Variants in SLC24A2 observed in about 807,000 individuals in gnomAD.
The protein encoded by SLC24A2 is sodium/potassium/calcium exchanger 2.
SLC24A2 carries 36 observed loss-of-function variants against 62.0 expected under a neutral mutation model. The ratio of observed to expected loss-of-function variants is 0.58; its 90% CI spans 0.44 to 0.77. The LOEUF is 0.77. SLC24A2 is among the 30% of genes least tolerant of loss of function. The pLI, the probability that SLC24A2 is intolerant of heterozygous loss-of-function variation, is 0.00. For synonymous variants in SLC24A2, 358 were observed against 294.0 expected (o/e 1.22, Z -2.23); for missense variants, 846 against 817.9 (o/e 1.03, Z -0.42).
chr9:20,115,673 C>A, the SLC24A2 span, among the ~76,000 whole-genome samples: 1 of 152,118 alleles, frequency 6.6e-6, no homozygotes, highest in Non-Finnish European at 1.5e-5. Flanking sequence ...ACAAAAGGAT[C>A]TGCCGGTGAA....
At chr9:19,951,497 T>C in the SLC24A2 span, among the ~76,000 whole-genome samples, 1 of 152,292 alleles carries the variant, frequency 6.6e-6, no homozygotes, top group East Asian at 1.9e-4. Context: ...TTAGTTCTTA[T>C]ATTTAGGTCT....
At chr9:19,687,973 C>T (rs1564038749) in intron 2 of SLC24A2, among the ~76,000 whole-genome samples, 2 of 151,932 alleles carry the variant, frequency 1.3e-5, no homozygotes, top group Non-Finnish European at 2.9e-5. Flanking sequence ...CTGTACTTTC[C>T]AGTAATTTAT....
In SLC24A2 at chr9:19,672,628, C is replaced by T. The variant is rs1443560032; in HGVS notation, c.931-50329G>A. Among the ~76,000 whole-genome samples, 3 of 146,282 alleles carry T rather than the reference C, an allele frequency of 2.1e-5. 1 individual carries two copies. The highest frequency in any genetic ancestry group is 8.1e-5 in the African/African-American group (3 of 37,076). On this transcript the variant is annotated intron_variant, in intron 2 of 10. Coordinates refer to ENST00000341998, the MANE Select transcript of SLC24A2 (RefSeq NM_020344.4). The stretch of plus-strand genomic sequence containing the variant: ...TCTAGTTCCTTTAGGTGTGAACTTA[C>T]ATTGTCTATTTGTGCTTTCAGACTT...
chr9:19,644,473 A>G (rs1177174666), intron 2 of SLC24A2, among the ~76,000 whole-genome samples: 1 of 152,224 alleles, frequency 6.6e-6, no homozygotes, highest in Non-Finnish European at 1.5e-5. Flanking sequence ...CAGATGGGAA[A>G]AATGAGGGAA....
the SLC24A2 span, among the ~76,000 whole-genome samples, chr9:19,843,554 C>T: frequency 5.3e-5 from 8 of 152,052 alleles, no homozygotes; most frequent in Admixed American, 3.3e-4. Context: ...TTCAGGGGGT[C>T]CATGTGCATA....
chr9:20,025,475 G>A, the SLC24A2 span, among the ~76,000 whole-genome samples: 1 of 152,150 alleles, frequency 6.6e-6, no homozygotes, highest in Admixed American at 6.6e-5. Context: ...TCACCCTTCA[G>A]GTGGTGGTTT....
chr9:19,956,353 G>T, the SLC24A2 span, among the ~76,000 whole-genome samples: 168 of 152,280 alleles, frequency 1.1e-3, no homozygotes, highest in African/African-American at 2.2e-3. Context: ...TTACACATTT[G>T]TTATAGCAAA....
chr9:19,541,472 G>T (rs940207096), intron 8 of SLC24A2, among the ~76,000 whole-genome samples: 1 of 151,346 alleles, frequency 6.6e-6, no homozygotes, highest in Non-Finnish European at 1.5e-5. Context: ...GCAGTGTGAG[G>T]TGTCAGTGTG....
the SLC24A2 span, chr9:19,896,036 C>G: frequency 2.2e-6 from 3 of 1,374,926 alleles, no homozygotes; most frequent in Non-Finnish European, 3.0e-6. Flanking sequence ...CAGCAGGTCC[C>G]CTTGCCTCTG....
chr9:19,933,869 A>G, the SLC24A2 span, among the ~76,000 whole-genome samples: 3 of 152,244 alleles, frequency 2.0e-5, no homozygotes. Flanking sequence ...GCCAGGCACA[A>G]AAGCCACATG....
the SLC24A2 span, among the ~76,000 whole-genome samples, chr9:20,235,627 G>A: frequency 6.6e-6 from 1 of 152,200 alleles, no homozygotes; most frequent in Non-Finnish European, 1.5e-5. Context: ...GGTGCCCTCT[G>A]TCACCCCTTT....
Position 19,753,067 on chromosome 9 carries a change from C to T in SLC24A2, c.930+32870G>A, listed in dbSNP as rs192493410. ...TCAGGTGCCAGGAGTAAGATTTAGA[C>T]CTAGATCCACATTTTATCATATTCC... On this transcript the variant is annotated intron_variant, in intron 2 of 10. Coordinates refer to ENST00000341998, the MANE Select transcript of SLC24A2 (RefSeq NM_020344.4). 1.1e-3 allele frequency among the ~76,000 whole-genome samples: 174 copies of T among 152,314 alleles called. 1 individual carries two copies. The highest frequency in any genetic ancestry group is 4.1e-3 in the African/African-American group (170 of 41,572).
At chr9:20,011,477 T>A in the SLC24A2 span, among the ~76,000 whole-genome samples, 1 of 152,102 alleles carries the variant, frequency 6.6e-6, no homozygotes, top group Non-Finnish European at 1.5e-5. Flanking sequence ...GATGAGGGTA[T>A]TCGAACACAG....
At chr9:20,037,189 C>T in the SLC24A2 span, among the ~76,000 whole-genome samples, 3 of 152,130 alleles carry the variant, frequency 2.0e-5, no homozygotes, top group Non-Finnish European at 4.4e-5. Context: ...TGAGCCGCTG[C>T]ACCTGGCCTA....
In SLC24A2 at chr9:19,786,402, C is replaced by G; in HGVS notation, c.465G>C (p.Glu155Asp). Reference protein sequence around the residue: ...MFIALAIVCDEFFVPSLTVIT... With the variant: ...MFIALAIVCDDFFVPSLTVIT... ...TGACAGTCAAAGAAGGAACAAAGAACTCATCACAGACAATGGCTAAGGCTA... is the reference window on the plus strand; with the variant it reads ...TGACAGTCAAAGAAGGAACAAAGAAGTCATCACAGACAATGGCTAAGGCTA... Residue 155 changes from glutamate (E) to aspartate (D), a missense_variant, in exon 2 of 11, where the codon GAG becomes GAC. Glu to Asp is a conservative substitution (Grantham distance 45). Transcript: ENST00000341998. The surrounding 1 kb of genome is among the most constrained non-coding windows in gnomAD (Gnocchi z 5.0). 2 of 1,614,178 alleles carry G rather than the reference C, an allele frequency of 1.2e-6. No individual in the cohort carries two copies. The highest frequency in any genetic ancestry group is 1.7e-6 in the Non-Finnish European group (2 of 1,180,046).
intron 5 of SLC24A2, among the ~76,000 whole-genome samples, chr9:19,591,762 T>G (rs1836560134): frequency 6.6e-6 from 1 of 152,222 alleles, no homozygotes; most frequent in African/African-American, 2.4e-5. Flanking sequence ...AGAGCTGCCA[T>G]GTCTTGTCTG....
the SLC24A2 span, among the ~76,000 whole-genome samples, chr9:20,047,985 A>C: frequency 6.6e-6 from 1 of 152,176 alleles, no homozygotes; most frequent in African/African-American, 2.4e-5. Flanking sequence ...ATGGGAAGCC[A>C]ATAGAAGCAT....
At chr9:20,183,203 G>T in the SLC24A2 span, among the ~76,000 whole-genome samples, 1 of 152,202 alleles carries the variant, frequency 6.6e-6, no homozygotes, top group Non-Finnish European at 1.5e-5. Context: ...CCAAAGATAG[G>T]TGTGGGGAGA....
At chr9:19,935,017 C>G in the SLC24A2 span, among the ~76,000 whole-genome samples, 1 of 151,910 alleles carries the variant, frequency 6.6e-6, no homozygotes, top group African/African-American at 2.4e-5. Flanking sequence ...TGGGGGCCCA[C>G]TACCACTTAT....
Sources: gnomAD v4.1 joint callset for allele counts (sites outside exome capture counted in the v4.1 genomes callset) on GRCh38, gnomAD v4.1.1 for gene constraint, Gnocchi (gnomAD v3.1) non-coding constraint, MANE v1.5 for transcripts, NCBI Gene and HGNC (gene_info 2026-07-23, HGNC 2026-07-21) for gene names.